The following AK7 variants were observed in gnomAD, a reference collection of about 807,000 sequenced individuals.
AK7 encodes the protein adenylate kinase 7.
A neutral mutation model predicts 96.6 loss-of-function variants in AK7; 78 were observed. The observed-to-expected ratio is 0.81, with a 90% CI of 0.67 to 0.97. The LOEUF is 0.97. Ranked by LOEUF, AK7 falls within the 50% of genes least tolerant of loss-of-function variation. AK7 has a pLI of 0.00. For missense variants in AK7, 855 were observed against 887.9 expected (o/e 0.96, Z 0.47); for synonymous variants, 302 against 317.2 (o/e 0.95, Z 0.51).
At position 96,399,105 on chromosome 14, in the gene AK7, T is replaced by C. The variant is rs1447283427; in HGVS notation, c.294+842T>C. The C allele has an allele frequency of 6.6e-6, 1 of 152,196 alleles. No individual in the cohort carries two copies. Among genetic ancestry groups the C allele is most frequent in the Non-Finnish European group, 1.5e-5 (1 of 68,050 alleles). The allele number at this position is 152,196 out of a possible 1,614,324, so 9.4% of individuals were successfully genotyped here. A position where few individuals can be genotyped will look rare whatever the true frequency, so the allele number is the denominator to read the frequency against. On this transcript the variant is annotated intron_variant, in intron 2 of 17. Coordinates refer to ENST00000267584, the MANE Select transcript of AK7 (RefSeq NM_152327.5). The surrounding 1 kb of genome is among the most constrained non-coding windows in gnomAD (Gnocchi z 4.1). ...CTGAGCTCCCATATCATCCTTTGCC[T>C]GCCTAGATCATAGTGCTTTTCACAC...
chr14:96,409,024 C>T (rs1050354917), intron 4 of AK7, 83 bp downstream of exon 4: 29 of 1,390,346 alleles, frequency 2.1e-5, no homozygotes, highest in Non-Finnish European at 2.9e-5. Flanking sequence ...CTTCCTATGG[C>T]GAGTTGTGTA....
chr14:96,444,149 A>C (rs1893106960), intron 7 of AK7, among the ~76,000 whole-genome samples: 1 of 152,158 alleles, frequency 6.6e-6, no homozygotes. Context: ...GGCCTCACGC[A>C]GCCCACAGGC....
At chr14:96,482,892 T>C in intron 15 of AK7, 107 bp from the exon 16 acceptor site, 1 of 1,086,204 alleles carries the variant, frequency 9.2e-7, no homozygotes, top group African/African-American at 1.6e-5. Flanking sequence ...CCCTATGTGG[T>C]AATTTACATA....
intron 12 of AK7, among the ~76,000 whole-genome samples, chr14:96,464,327 C>A (rs549371113): frequency 1.3e-5 from 2 of 151,880 alleles, no homozygotes; most frequent in Non-Finnish European, 2.9e-5. Flanking sequence ...GTGGGAGGAT[C>A]TCTTGAGGCA....
chr14:96,451,960 T>G lies in AK7; in HGVS notation c.1098+390T>G, dbSNP rs546053132. Among the ~76,000 whole-genome samples, 5 of 152,266 alleles carry G rather than the reference T, an allele frequency of 3.3e-5. No homozygotes were observed. The South Asian group carries it at 1.0e-3, about 32-fold the overall frequency. On this transcript the variant is annotated intron_variant, in intron 10 of 17. Transcript: ENST00000267584. Reference sequence around the variant, plus strand: ...GAAGAATATTAAATAGGTAAAAATATCAACTGCCTTACTGGCTGGCTTGTT... The same window carrying G: ...GAAGAATATTAAATAGGTAAAAATAGCAACTGCCTTACTGGCTGGCTTGTT...
intron 8 of AK7, among the ~76,000 whole-genome samples, chr14:96,447,808 G>T (rs550907570): frequency 1.2e-4 from 18 of 152,098 alleles, no homozygotes; most frequent in Non-Finnish European, 2.2e-4. Flanking sequence ...CTAGATCTGG[G>T]ACAGCTTCCT....
intron 7 of AK7, among the ~76,000 whole-genome samples, chr14:96,444,178 C>T (rs1013944010): frequency 2.6e-5 from 4 of 152,132 alleles, no homozygotes; most frequent in African/African-American, 9.7e-5. Context: ...GACAAGCTTG[C>T]TGTAAATGGG....
chr14:96,483,344 A>G, intron 16 of AK7, 125 bp downstream of exon 16: 1 of 944,850 alleles, frequency 1.1e-6, no homozygotes, highest in Non-Finnish European at 1.6e-6. Flanking sequence ...AATACCCTAA[A>G]CAAATTTGTG....
Position 96,478,539 on chromosome 14 carries a change from G to A in AK7, c.1630G>A (p.Ala544Thr). 1 of 1,614,196 alleles carries A rather than the reference G, an allele frequency of 6.2e-7. No individual in the cohort carries two copies. The highest frequency in any genetic ancestry group is 8.5e-7 in the Non-Finnish European group (1 of 1,180,042). Residue 544 changes from alanine to threonine, a missense_variant, in exon 15 of 18, where the codon GCG becomes ACG. Physicochemically the swap from Ala to Thr is moderately conservative, Grantham distance 58 (BLOSUM62 0). Transcript: ENST00000267584. ...GATAAACCTTCCTGAGAGCATCGTGGCGGGGACCCACTACAGCCAAGACCG... is the reference window on the plus strand; with the variant it reads ...GATAAACCTTCCTGAGAGCATCGTGACGGGGACCCACTACAGCCAAGACCG... ...RVINLPESIV[A>T]GTHYSQDRFL...
chr14:96,471,751 C>CT lies in AK7; in HGVS notation c.1486+155dup, dbSNP rs920382929. 5,737 of 642,222 alleles carry CT rather than the reference C, an allele frequency of 8.9e-3. 1 individual carries two copies. The highest frequency in any genetic ancestry group is 0.014 in the Middle Eastern group (29 of 2,022). The allele number at this position is 642,222 out of a possible 1,614,324, so 39.8% of individuals were successfully genotyped here. ...CTTTGGCTCACCTTTCTTTACGTAG[C>CT]TTTTTTTTTTCTTTTTTTTTCCCCC... On this transcript the variant is annotated intron_variant, in intron 13 of 17. Coordinates refer to ENST00000267584, the MANE Select transcript of AK7 (RefSeq NM_152327.5).
chr14:96,429,718 G>A (rs370527858), intron 5 of AK7, among the ~76,000 whole-genome samples: 3 of 152,084 alleles, frequency 2.0e-5, no homozygotes, highest in African/African-American at 7.2e-5. Context: ...TATTCTCTTT[G>A]AAGCAATTCC....
chr14:96,462,594 T>A (rs1894314329), intron 12 of AK7, among the ~76,000 whole-genome samples: 2 of 152,182 alleles, frequency 1.3e-5, no homozygotes, highest in South Asian at 4.1e-4. Context: ...TTACAGATTT[T>A]GTGCTCACTT....
At chr14:96,465,565 G>A (rs1894517735) in intron 12 of AK7, among the ~76,000 whole-genome samples, 1 of 151,968 alleles carries the variant, frequency 6.6e-6, no homozygotes, top group East Asian at 1.9e-4. Flanking sequence ...GTTTCTTTTT[G>A]TTTGTTTTAT....
chr14:96,451,669 T>G (rs1464487421), intron 10 of AK7, 99 bp downstream of exon 10: 1 of 1,218,804 alleles, frequency 8.2e-7, no homozygotes, highest in Non-Finnish European at 1.1e-6. Flanking sequence ...TTTTCAGACG[T>G]TCAAATTTCT....
At chr14:96,397,947 A>C in intron 1 of AK7, 128 bp from the exon 2 acceptor site, 2 of 867,868 alleles carry the variant, frequency 2.3e-6, no homozygotes, top group South Asian at 3.2e-5. Context: ...GACAGTGTGC[A>C]AAGCATTTGC....
At chr14:96,477,983 C>T (rs1895277786) in intron 14 of AK7, among the ~76,000 whole-genome samples, 2 of 152,076 alleles carry the variant, frequency 1.3e-5, no homozygotes, top group South Asian at 4.1e-4. Flanking sequence ...TTGAGATCAG[C>T]CCGCACATAG....
chr14:96,487,166 G>A, intron 17 of AK7, 110 bp downstream of exon 17: 2 of 1,115,534 alleles, frequency 1.8e-6, no homozygotes, highest in South Asian at 2.8e-5. Flanking sequence ...CTTGTGGTCA[G>A]GAGTTAGAGA....
intron 5 of AK7, among the ~76,000 whole-genome samples, chr14:96,433,488 A>C (rs943007452): frequency 8.5e-5 from 13 of 152,164 alleles, no homozygotes; most frequent in Admixed American, 8.5e-4. Flanking sequence ...TGCATGCATC[A>C]TGAAGTTCTC....
chr14:96,468,602 T>G (rs1894715676), intron 12 of AK7, among the ~76,000 whole-genome samples: 1 of 152,082 alleles, frequency 6.6e-6, no homozygotes, highest in African/African-American at 2.4e-5. Context: ...CGGCCTGCAC[T>G]CTTTCCTTTG....
Sources: gnomAD v4.1 joint callset for allele counts (sites outside exome capture counted in the v4.1 genomes callset) on GRCh38, gnomAD v4.1.1 for gene constraint, Gnocchi (gnomAD v3.1) non-coding constraint, MANE v1.5 for transcripts, NCBI Gene and HGNC (gene_info 2026-07-23, HGNC 2026-07-21) for gene names.